DNER: variants seen among roughly 807,000 people sequenced by gnomAD.
The protein encoded by DNER is delta/notch like EGF repeat containing, also known as delta and Notch-like epidermal growth factor-related receptor.
DNER carries 33 observed loss-of-function variants against 78.2 expected under a neutral mutation model. The ratio of observed to expected loss-of-function variants is 0.42; its 90% CI spans 0.32 to 0.56. The LOEUF is 0.56. Ranked by LOEUF, DNER falls within the 20% of genes least tolerant of loss-of-function variation. The probability of loss-of-function intolerance (pLI) is 0.11; values close to 1 mark genes in which losing one functional copy is unlikely to be tolerated. For synonymous variants in DNER, 417 were observed against 384.8 expected, an observed-to-expected ratio of 1.08 and a Z score of -0.98; for missense variants, 918 against 975.3, an observed-to-expected ratio of 0.94 and a Z score of 0.78.
chr2:229,439,198 G>A (rs1694185801), intron 8 of DNER, among the ~76,000 whole-genome samples: 1 of 152,172 alleles, frequency 6.6e-6, no homozygotes, highest in African/African-American at 2.4e-5. Context: ...AGTTGAATGT[G>A]CACCCATTAT....
rs139466784 is a variant in DNER at position 229,591,766 on chromosome 2, T to C, written c.399A>G (p.Glu133=). 2.0e-4 allele frequency: 317 copies of C among 1,614,124 alleles called. 1 individual carries two copies. In the African/African-American group the frequency reaches 3.7e-3, roughly 19 times the overall value. The part of the protein sequence containing the change: ...CNEGYEGPNC[E]QALPSLPATG... ...TGGCTGGGAGACTGGGAAGTGCCTG[T>C]TCACAGTTGGGACCTTCATAGCCTT... Residue 133 remains glutamate, a synonymous_variant, in exon 2 of 13, where the codon GAA becomes GAG. Coordinates refer to ENST00000341772, the MANE Select transcript of DNER (RefSeq NM_139072.4). This position sits in a 1 kb window ranked among gnomAD's most constrained non-coding sequence, Gnocchi z 4.6.
chr2:229,640,782 A>G (rs1463283648), intron 1 of DNER, among the ~76,000 whole-genome samples: 1 of 152,212 alleles, frequency 6.6e-6, no homozygotes, highest in Non-Finnish European at 1.5e-5. Flanking sequence ...GAGACCATGA[A>G]TATACAGCAG....
chr2:229,419,922 C>A (rs555049084), intron 8 of DNER, among the ~76,000 whole-genome samples: 10 of 147,570 alleles, frequency 6.8e-5, no homozygotes, highest in Admixed American at 4.8e-4. Flanking sequence ...CTGCTGGCAT[C>A]TAGTAGGCAG....
At chr2:229,430,994 A>G (rs1693991220) in intron 8 of DNER, among the ~76,000 whole-genome samples, 1 of 152,202 alleles carries the variant, frequency 6.6e-6, no homozygotes, top group African/African-American at 2.4e-5. Context: ...AACAGACATT[A>G]TAATAAACGC....
At chr2:229,613,632 C>CAA (rs142768345) in intron 1 of DNER, among the ~76,000 whole-genome samples, 1 of 146,132 alleles carries the variant, frequency 6.8e-6, no homozygotes, top group Non-Finnish European at 1.5e-5. Flanking sequence ...TCTACATTTC[C>CAA]AAAAAAAAAG....
intron 11 of DNER, among the ~76,000 whole-genome samples, chr2:229,384,486 A>G (rs376762729): frequency 1.3e-5 from 2 of 152,164 alleles, no homozygotes; most frequent in African/African-American, 2.4e-5. Flanking sequence ...GTTTTTTGAA[A>G]AGATTTACAA....
At chr2:229,512,750 A>G in intron 6 of DNER, 33 bp downstream of exon 6, 1 of 1,612,798 alleles carries the variant, frequency 6.2e-7, no homozygotes, top group Non-Finnish European at 8.5e-7. Flanking sequence ...ACAGACATAC[A>G]CCTAATAACT....
intron 11 of DNER, among the ~76,000 whole-genome samples, chr2:229,380,324 A>G (rs207657): frequency 0.72 from 108,800 of 152,056 alleles, 39,354 homozygotes; most frequent in East Asian, 0.91. Flanking sequence ...AGATCAGGCC[A>G]AGTGACACAG....
rs555976139 is a variant in DNER at position 229,407,808 on chromosome 2, G to A, written c.1610-463C>T. Among the ~76,000 whole-genome samples, 466 of 152,306 alleles carry A rather than the reference G, an allele frequency of 3.1e-3. 3 individuals are homozygous for A. Among genetic ancestry groups the A allele is most frequent in the African/African-American group, 0.01 (431 of 41,564 alleles). On this transcript the variant is annotated intron_variant, in intron 9 of 12. Coordinates refer to ENST00000341772, the MANE Select transcript of DNER (RefSeq NM_139072.4). ...AGAACTGCAGGGGAGAGGGGAAGCC[G>A]TGTGATACTTAGACTTCATTCTCAA...
intron 12 of DNER, among the ~76,000 whole-genome samples, chr2:229,361,703 G>C (rs1298946839): frequency 2.6e-5 from 4 of 151,962 alleles, no homozygotes; most frequent in Admixed American, 1.3e-4. Context: ...TTACAAATAT[G>C]TATGAAGCCC....
intron 1 of DNER, among the ~76,000 whole-genome samples, chr2:229,668,517 T>TATATATACTTACCTAAATATA (rs1491497801): frequency 1.9e-5 from 1 of 53,412 alleles, no homozygotes; most frequent in African/African-American, 1.3e-4. Context: ...TAGGTAAGTA[T>TATATATACTTACCTAAATATA]GTGTGTGTGT....
intron 1 of DNER, among the ~76,000 whole-genome samples, chr2:229,669,844 A>T (rs776246991): frequency 2.0e-5 from 3 of 152,226 alleles, no homozygotes; most frequent in Non-Finnish European, 4.4e-5. Context: ...AAAGATCATA[A>T]CATTTTTTCT....
At chr2:229,528,189 G>A (rs1381453369) in intron 5 of DNER, among the ~76,000 whole-genome samples, 1 of 152,126 alleles carries the variant, frequency 6.6e-6, no homozygotes. Flanking sequence ...TGGCCAGAAG[G>A]GTCCCTGCTC....
At chr2:229,609,410 G>A (rs1481709088) in intron 1 of DNER, among the ~76,000 whole-genome samples, 2 of 152,068 alleles carry the variant, frequency 1.3e-5, no homozygotes, top group Non-Finnish European at 2.9e-5. Context: ...TCAAAAGAAG[G>A]TTAATATTCC....
In DNER at chr2:229,367,014, A is replaced by G; in HGVS notation, c.1961T>C (p.Leu654Pro). 2.5e-6 allele frequency: 4 copies of G among 1,614,110 alleles called. No individual in the cohort carries two copies. The highest frequency in any genetic ancestry group is 1.3e-5 in the African/African-American group (1 of 75,046). Residue 654 changes from leucine to proline, a missense_variant, in exon 12 of 13, where the codon CTG becomes CCG. Coordinates refer to ENST00000341772, the MANE Select transcript of DNER (RefSeq NM_139072.4). ...GALCVAFILMLIILIVGICRI... is the reference protein window; with the variant it reads ...GALCVAFILMPIILIVGICRI... ...GCAAATCCCCACGATCAGGATGATC[A>G]GCATAAGGATGAAGGCCACGCAGAG...
At chr2:229,498,113 A>T (rs1695537610) in intron 6 of DNER, among the ~76,000 whole-genome samples, 1 of 152,214 alleles carries the variant, frequency 6.6e-6, no homozygotes, top group Admixed American at 6.5e-5. Context: ...GGATGCAAGG[A>T]AGGATCAACA....
At chr2:229,450,304 G>A (rs933073754) in intron 7 of DNER, among the ~76,000 whole-genome samples, 3 of 152,026 alleles carry the variant, frequency 2.0e-5, no homozygotes, top group Non-Finnish European at 4.4e-5. Context: ...TCAAAGATAA[G>A]AAAAATCAGG....
intron 12 of DNER, among the ~76,000 whole-genome samples, chr2:229,363,934 G>A (rs989247739): frequency 2.1e-5 from 3 of 144,826 alleles, no homozygotes; most frequent in Non-Finnish European, 4.5e-5. Flanking sequence ...CTCCAGGAAT[G>A]ATGAGGACAG....
intron 1 of DNER, among the ~76,000 whole-genome samples, chr2:229,622,051 C>A (rs374129908): frequency 0.021 from 3,250 of 152,162 alleles, 45 homozygotes; most frequent in Middle Eastern, 0.034. Context: ...GCGCCGCTGC[C>A]CTCCAGCCTG....
Sources: gnomAD v4.1 joint callset for allele counts (sites outside exome capture counted in the v4.1 genomes callset) on GRCh38, gnomAD v4.1.1 for gene constraint, Gnocchi (gnomAD v3.1) non-coding constraint, MANE v1.5 for transcripts, NCBI Gene and HGNC (gene_info 2026-07-23, HGNC 2026-07-21) for gene names.